Variants in CEP128 observed in about 807,000 individuals in gnomAD.
CEP128 encodes centrosomal protein 128kDa.
A neutral mutation model predicts 156.7 loss-of-function variants in CEP128; 132 were observed. The observed-to-expected ratio is 0.84, with a 90% confidence interval of 0.73 to 0.97. The LOEUF (loss-of-function observed/expected upper bound fraction) is 0.97. Ranked by LOEUF, CEP128 falls within the 50% of genes least tolerant of loss-of-function variation. The probability of loss-of-function intolerance (pLI) is 0.00; values close to 1 mark genes in which losing one functional copy is unlikely to be tolerated. For missense variants in CEP128, 1,252 were observed against 1,281.9 expected (o/e 0.98, Z 0.36); for synonymous variants, 469 against 448.9 (o/e 1.04, Z -0.57).
chr14:80,660,287 C>G (rs1215754012), intron 19 of CEP128, among the ~76,000 whole-genome samples: 1 of 152,064 alleles, frequency 6.6e-6, no homozygotes, highest in African/African-American at 2.4e-5. Flanking sequence ...AAATTTAAAG[C>G]CTTCAGCTTC....
intron 19 of CEP128, among the ~76,000 whole-genome samples, chr14:80,712,911 T>C (rs1897465346): frequency 6.6e-6 from 1 of 152,158 alleles, no homozygotes; most frequent in East Asian, 1.9e-4. Flanking sequence ...CTCTTCCAAA[T>C]GCCATAAGCC....
chr14:80,577,941 A>G (rs1433349287), intron 20 of CEP128, among the ~76,000 whole-genome samples: 2 of 152,124 alleles, frequency 1.3e-5, no homozygotes, highest in Non-Finnish European at 2.9e-5. Flanking sequence ...TTCCACTGCT[A>G]ACTCCTAGTT....
chr14:80,758,872 T>C (rs1899812927), intron 17 of CEP128, among the ~76,000 whole-genome samples: 1 of 152,230 alleles, frequency 6.6e-6, no homozygotes, highest in South Asian at 2.1e-4. Context: ...ACATGAACTC[T>C]TAGAGAAGAA....
chr14:80,479,835 G>A (rs1887016357), intron 14 of CEP128, among the ~76,000 whole-genome samples: 1 of 152,204 alleles, frequency 6.6e-6, no homozygotes, highest in Admixed American at 6.5e-5. Flanking sequence ...AAAATTAAAA[G>A]GAAGCTAGTT....
At chr14:80,629,559 C>CTG (rs58019626) in intron 19 of CEP128, among the ~76,000 whole-genome samples, 130,737 of 151,560 alleles carry the variant, frequency 0.86, 56,467 homozygotes, top group African/African-American at 0.89. Flanking sequence ...TGTTGGGAAA[C>CTG]ATAAAATTTT....
chr14:80,530,078 A>G (rs893873696), intron 22 of CEP128, among the ~76,000 whole-genome samples: 2 of 152,232 alleles, frequency 1.3e-5, no homozygotes, highest in Admixed American at 1.3e-4. Context: ...ATATGATTAC[A>G]TGGTTGCCAA....
At chr14:80,796,494 G>A (rs1883487479) in intron 13 of CEP128, among the ~76,000 whole-genome samples, 1 of 150,910 alleles carries the variant, frequency 6.6e-6, no homozygotes, top group South Asian at 2.1e-4. Context: ...TAGTTTCCTT[G>A]TAGCAGGTGA....
chr14:80,606,876 A>G (rs1013345665), intron 19 of CEP128, among the ~76,000 whole-genome samples: 2 of 151,986 alleles, frequency 1.3e-5, no homozygotes, highest in African/African-American at 2.4e-5. Context: ...TCTATCCAAA[A>G]GGACTTCCCT....
In CEP128 at chr14:80,840,676, T is replaced by A. The variant is rs1198409045; in HGVS notation, c.849+6A>T. The A allele has an allele frequency of 1.3e-6, 2 of 1,574,534 alleles. No homozygotes were observed. Among genetic ancestry groups the A allele is most frequent in the Admixed American group, 3.4e-5 (2 of 59,508 alleles). On this transcript the variant is annotated splice_donor_region_variant and intron_variant, in intron 10 of 24. Transcript: ENST00000555265. ...ATTCTTTGAAAGATAACTTTTAAAA[T>A]CTTACTTGATTCTTCTCAGTTTCAG...
intron 19 of CEP128, among the ~76,000 whole-genome samples, chr14:80,601,700 C>A (rs1289603082): frequency 6.6e-6 from 1 of 152,094 alleles, no homozygotes; most frequent in East Asian, 1.9e-4. Context: ...TAACACAATA[C>A]TAAGTATTTG....
chr14:80,535,155 GAATACACTT>G (rs1484035806), intron 21 of CEP128, among the ~76,000 whole-genome samples: 1 of 152,106 alleles, frequency 6.6e-6, no homozygotes, highest in Non-Finnish European at 1.5e-5. Flanking sequence ...ATTCAAATTT[GAATACACTT>G]CCTAATCCCT....
chr14:80,668,593 G>C (rs982030718), intron 19 of CEP128, among the ~76,000 whole-genome samples: 4 of 152,080 alleles, frequency 2.6e-5, no homozygotes, highest in Non-Finnish European at 4.4e-5. Context: ...TGTACATTAG[G>C]AGTCCCTGAG....
intron 21 of CEP128, among the ~76,000 whole-genome samples, chr14:80,540,229 C>T (rs1889691294): frequency 7.4e-6 from 1 of 136,012 alleles, no homozygotes; most frequent in African/African-American, 2.7e-5. Flanking sequence ...TTAATAAAAA[C>T]TTGCTGGTCT....
At chr14:80,723,429 T>C (rs1467614734) in intron 19 of CEP128, among the ~76,000 whole-genome samples, 1 of 152,202 alleles carries the variant, frequency 6.6e-6, no homozygotes, top group Non-Finnish European at 1.5e-5. Flanking sequence ...AGAAATGTTT[T>C]AATCAATGCA....
chr14:80,531,094 G>A (rs993109036), intron 21 of CEP128: 14 of 279,804 alleles, frequency 5.0e-5, no homozygotes, highest in Non-Finnish European at 9.4e-5. Flanking sequence ...AAGTATATGA[G>A]ATGCATTTGC....
chr14:80,914,390 G>C lies in CEP128; in HGVS notation c.166C>G (p.Arg56Gly). The C allele has an allele frequency of 6.2e-7, 1 of 1,613,316 alleles. No individual in the cohort carries two copies. The highest frequency in any genetic ancestry group is 8.5e-7 in the Non-Finnish European group (1 of 1,179,432). The change falls in exon 4 of 25, where the codon CGA becomes GGA. Residue 56 changes from arginine (R) to glycine (G), a missense_variant. By Grantham distance (125) the Arg-to-Gly change is moderately radical. Coordinates refer to ENST00000555265, the MANE Select transcript of CEP128 (RefSeq NM_152446.5). Reference sequence around the variant, plus strand: ...CGTCCAAGCATCTGGTCCACTTGTCGCAGGTTCCGACTGGTATCCTTGAGA... The same window carrying C: ...CGTCCAAGCATCTGGTCCACTTGTCCCAGGTTCCGACTGGTATCCTTGAGA... ...STLQDTSRNL[R>G]QVDQMLGRYR...
Position 80,904,869 on chromosome 14 carries a change from G to T in CEP128, c.424C>A (p.Arg142=), listed in dbSNP as rs774385928. 6.2e-7 allele frequency: 1 copy of T among 1,612,428 alleles called. No individual in the cohort carries two copies. Among genetic ancestry groups the T allele is most frequent in the East Asian group, 2.2e-5 (1 of 44,852 alleles). The part of the protein sequence containing the change: ...KDYGDPQGIK[R]MRSRTGVRFV... The stretch of plus-strand genomic sequence containing the variant: ...CGGACACCAGTTCTTGATCTCATTC[G>T]TTTAATACCCTGTGGATCCCCATAG... Residue 142 remains arginine (R), a synonymous_variant, in exon 6 of 25, where the codon CGA becomes AGA. Coordinates refer to ENST00000555265, the MANE Select transcript of CEP128 (RefSeq NM_152446.5).
chr14:80,957,277 T>G (rs1566736121), intron 2 of CEP128, among the ~76,000 whole-genome samples: 2 of 152,102 alleles, frequency 1.3e-5, no homozygotes, highest in Admixed American at 1.3e-4. Flanking sequence ...CTGGGTAAGC[T>G]ATACCCCCCT....
At position 80,839,687 on chromosome 14, in the gene CEP128, T is replaced by C. The variant is rs74243825; in HGVS notation, c.849+995A>G. 4.7e-4 allele frequency among the ~76,000 whole-genome samples: 71 copies of C among 152,264 alleles called. No homozygotes were observed. The East Asian group carries it at 0.011, about 24-fold the overall frequency. On this transcript the variant is annotated intron_variant, in intron 10 of 24. Coordinates refer to ENST00000555265, the MANE Select transcript of CEP128 (RefSeq NM_152446.5). ...CCTCTCTGTGCATCTTGTTTTACAA[T>C]ATCCTATAAATCTATAATTATTTCA...
Sources: allele counts gnomAD v4.1 joint callset (sites outside exome capture counted in the v4.1 genomes callset), GRCh38; gene constraint gnomAD v4.1.1; transcripts MANE v1.5; gene names NCBI Gene and HGNC (gene_info 2026-07-23, HGNC 2026-07-21).